The following CATSPERE variants were observed in gnomAD, a reference collection of about 807,000 sequenced individuals.
The protein encoded by CATSPERE is catsper channel auxiliary subunit epsilon.
In CATSPERE, 93 loss-of-function variants were observed where a neutral mutation model predicts 114.1. The ratio of observed to expected loss-of-function variants is 0.81; its 90% CI spans 0.69 to 0.97. CATSPERE has a LOEUF of 0.97. CATSPERE is among the 50% of genes least tolerant of loss of function. CATSPERE has a pLI of 0.00. For missense variants in CATSPERE, 1,058 were observed against 1,131.6 expected, an observed-to-expected ratio of 0.93 and a Z score of 0.93; for synonymous variants, 341 against 384.1, an observed-to-expected ratio of 0.89 and a Z score of 1.31.
At chr1:244,536,107 G>A (rs3005979) in intron 8 of CATSPERE, among the ~76,000 whole-genome samples, 150,803 of 151,968 alleles carry the variant, frequency 0.99, 74,830 homozygotes, top group Middle Eastern at 1. Flanking sequence ...TGCCCTTTCT[G>A]CTGTGGCTGA....
intron 10 of CATSPERE, among the ~76,000 whole-genome samples, chr1:244,570,622 AT>A (rs2148569792): frequency 6.6e-6 from 1 of 152,304 alleles, no homozygotes; most frequent in East Asian, 1.9e-4. Context: ...CTTAATTCTC[AT>A]TTTAACTTCA....
chr1:244,584,043 C>A, intron 13 of CATSPERE, 104 bp downstream of exon 13: 1 of 782,346 alleles, frequency 1.3e-6, no homozygotes, highest in Non-Finnish European at 2.1e-6. Flanking sequence ...CCATGCAATA[C>A]CTCCATACAA....
chr1:244,626,078 A>G (rs1354437580), intron 20 of CATSPERE, among the ~76,000 whole-genome samples: 1 of 152,180 alleles, frequency 6.6e-6, no homozygotes, highest in East Asian at 1.9e-4. Context: ...TTGGAATGGT[A>G]AATGATTGCT....
At chr1:244,626,732 C>T (rs756674502) in intron 20 of CATSPERE, among the ~76,000 whole-genome samples, 1 of 152,172 alleles carries the variant, frequency 6.6e-6, no homozygotes, top group Non-Finnish European at 1.5e-5. Context: ...AACCTTCCTT[C>T]TGCAGCTTCT....
At chr1:244,557,564 TATATATATATATATATATAA>T (rs2148518339) in intron 9 of CATSPERE, among the ~76,000 whole-genome samples, 1 of 74,140 alleles carries the variant, frequency 1.3e-5, no homozygotes, top group Non-Finnish European at 2.6e-5. Context: ...TATATATATA[TATATATATATATATATATAA>T]AATCTCCCAG....
intron 8 of CATSPERE, among the ~76,000 whole-genome samples, chr1:244,533,587 A>G (rs1392449604): frequency 6.6e-6 from 1 of 152,130 alleles, no homozygotes; most frequent in African/African-American, 2.4e-5. Flanking sequence ...ATTATTTTAA[A>G]CTGATGACAA....
chr1:244,629,141 TCTG>T (rs1353129859), intron 20 of CATSPERE, among the ~76,000 whole-genome samples: 4 of 152,198 alleles, frequency 2.6e-5, no homozygotes, highest in Admixed American at 6.5e-5. Context: ...TGTAGAGGCA[TCTG>T]CTGATATTCC....
intron 1 of CATSPERE, among the ~76,000 whole-genome samples, chr1:244,455,899 C>T (rs542719504): frequency 7.2e-5 from 11 of 152,212 alleles, no homozygotes; most frequent in African/African-American, 1.7e-4. Context: ...TGTTATCTGA[C>T]GGTTTTGAGT....
At chr1:244,529,730 A>G (rs1431654154) in intron 8 of CATSPERE, among the ~76,000 whole-genome samples, 1 of 151,848 alleles carries the variant, frequency 6.6e-6, no homozygotes, top group African/African-American at 2.4e-5. Flanking sequence ...ATGTGATTCT[A>G]CTTGTCCATT....
rs531171469 is a variant in CATSPERE at position 244,552,994 on chromosome 1, C to A, written c.1029+180C>A. On this transcript the variant is annotated intron_variant, in intron 9 of 21. Coordinates refer to ENST00000366534, the MANE Select transcript of CATSPERE (RefSeq NM_001130957.2). ...GAGACCTCTTTACAGTAGAGATACA[C>A]CCCCAACAACTAAAAATAAAATTAA... Among the ~76,000 whole-genome samples the A allele has an allele frequency of 8.0e-4, 121 of 152,198 alleles. 2 individuals carry two copies. In the South Asian group the frequency reaches 0.015, roughly 19 times the overall value.
At chr1:244,578,475 A>C (rs1665629255) in intron 11 of CATSPERE, among the ~76,000 whole-genome samples, 1 of 152,058 alleles carries the variant, frequency 6.6e-6, no homozygotes, top group African/African-American at 2.4e-5. Context: ...GACTCCCCAA[A>C]AGCTTAACTA....
At chr1:244,487,505 T>C (rs747600644) in intron 5 of CATSPERE, among the ~76,000 whole-genome samples, 1 of 152,062 alleles carries the variant, frequency 6.6e-6, no homozygotes, top group Non-Finnish European at 1.5e-5. Context: ...AGAGGTTTAC[T>C]CCTGCCAAGA....
intron 5 of CATSPERE, among the ~76,000 whole-genome samples, chr1:244,487,119 G>T (rs949601979): frequency 6.6e-6 from 1 of 151,020 alleles, no homozygotes; most frequent in Non-Finnish European, 1.5e-5. Flanking sequence ...TAGTCACCTG[G>T]TGGGTGGTTC....
At chr1:244,631,389 G>A (rs1042501787) in intron 20 of CATSPERE, among the ~76,000 whole-genome samples, 8 of 151,956 alleles carry the variant, frequency 5.3e-5, no homozygotes, top group African/African-American at 1.9e-4. Flanking sequence ...AATTAACCTC[G>A]CATATGGCTA....
At position 244,461,445 on chromosome 1, in the gene CATSPERE, G is replaced by A; in HGVS notation, c.16G>A (p.Val6Met). Residue 6 changes from valine to methionine, a missense_variant, in exon 1 of 22, where the codon GTG becomes ATG. By Grantham distance (21) the Val-to-Met change is conservative. This residue lies in a region of CATSPERE where 271 missense variants were observed against 225.9 expected (regional missense o/e 1.20). Coordinates refer to ENST00000366534, the MANE Select transcript of CATSPERE (RefSeq NM_001130957.2). ...AGCAGGCGCCATGTCAGCCCGGGAA[G>A]TGGCCGTGCTGCTGCTGTGGCTGAG... MSARE[V>M]AVLLLWLSCY... The A allele has an allele frequency of 7.2e-7, 1 of 1,390,344 alleles. No homozygotes were observed. The highest frequency in any genetic ancestry group is 9.4e-7 in the Non-Finnish European group (1 of 1,063,148). The allele number at this position is 1,390,344 out of a possible 1,614,324, so 86.1% of individuals were successfully genotyped here.
intron 10 of CATSPERE, among the ~76,000 whole-genome samples, chr1:244,566,683 T>TTTTTTTTTTTTTTC (rs1663599258): frequency 1.5e-5 from 2 of 129,334 alleles, no homozygotes; most frequent in Non-Finnish European, 3.3e-5. Context: ...TTTTTTTTTT[T>TTTTTTTTTTTTTTC]TTTTGCTTTC....
At chr1:244,460,453 T>C (rs901996206), upstream of CATSPERE, among the ~76,000 whole-genome samples, 2 of 152,200 alleles carry the variant, frequency 1.3e-5, no homozygotes, top group Non-Finnish European at 2.9e-5. Flanking sequence ...CTACTCCCTA[T>C]GATTTCACCC....
At chr1:244,577,116 G>T (rs565021268) in intron 11 of CATSPERE, among the ~76,000 whole-genome samples, 1 of 151,902 alleles carries the variant, frequency 6.6e-6, no homozygotes, top group Admixed American at 6.5e-5. Context: ...TGAAACTCTA[G>T]AATTTTATAA....
At chr1:244,549,489 C>A (rs562122164) in intron 8 of CATSPERE, among the ~76,000 whole-genome samples, 1 of 152,264 alleles carries the variant, frequency 6.6e-6, no homozygotes, top group Non-Finnish European at 1.5e-5. Context: ...CTCTTATCCC[C>A]TTATTGTGTA....
Sources: gnomAD v4.1 joint callset for allele counts (sites outside exome capture counted in the v4.1 genomes callset) on GRCh38, gnomAD v4.1.1 for gene constraint, gnomAD v4.1.1 regional missense constraint, MANE v1.5 for transcripts, NCBI Gene and HGNC (gene_info 2026-07-23, HGNC 2026-07-21) for gene names.